The following MDGA2 variants were observed in gnomAD, a reference collection of about 807,000 sequenced individuals.
MDGA2 encodes the protein MAM domain-containing glycosylphosphatidylinositol anchor protein 2.
In MDGA2, 40 loss-of-function variants were observed where a neutral mutation model predicts 117.8. That is an observed-to-expected ratio of 0.34 (90% CI 0.26 to 0.44). The LOEUF is 0.44. Among genes scored for constraint, MDGA2 ranks in the 20% least tolerant of loss-of-function variants. MDGA2 has a pLI of 1.00. For synonymous variants in MDGA2, 452 were observed against 439.0 expected, an observed-to-expected ratio of 1.03 and a Z score of -0.37; for missense variants, 1,123 against 1,250.6, an observed-to-expected ratio of 0.90 and a Z score of 1.54.
At chr14:46,888,403 C>A (rs1298668548) in intron 10 of MDGA2, among the ~76,000 whole-genome samples, 1 of 151,880 alleles carries the variant, frequency 6.6e-6, no homozygotes, top group East Asian at 1.9e-4. Flanking sequence ...AAACCATTTT[C>A]TTCATGTCAA....
At chr14:47,636,488 TA>T (rs138404965) in intron 1 of MDGA2, among the ~76,000 whole-genome samples, 7,053 of 152,222 alleles carry the variant, frequency 0.046, 156 homozygotes, top group Middle Eastern at 0.068. Flanking sequence ...CCAGCATTAA[TA>T]AATGCTTGAG....
intron 1 of MDGA2, among the ~76,000 whole-genome samples, chr14:47,368,715 T>C (rs1427693758): frequency 6.6e-6 from 1 of 152,158 alleles, no homozygotes; most frequent in Admixed American, 6.5e-5. Flanking sequence ...TTTATTCAGG[T>C]TTTACGTTGT....
chr14:47,332,627 G>A (rs1336425225), intron 1 of MDGA2, among the ~76,000 whole-genome samples: 1 of 151,830 alleles, frequency 6.6e-6, no homozygotes, highest in Non-Finnish European at 1.5e-5. Context: ...AATAATTCTA[G>A]TTTCATATTT....
intron 2 of MDGA2, among the ~76,000 whole-genome samples, chr14:47,220,232 A>G (rs1222882691): frequency 6.6e-6 from 1 of 152,222 alleles, no homozygotes; most frequent in Non-Finnish European, 1.5e-5. Context: ...ACTGATGAGA[A>G]AAGAAACCTC....
At chr14:46,928,002 A>T (rs1884396270) in intron 9 of MDGA2, among the ~76,000 whole-genome samples, 1 of 152,108 alleles carries the variant, frequency 6.6e-6, no homozygotes, top group Admixed American at 6.6e-5. Context: ...AATCACTGGG[A>T]TCTTTAAAGA....
At chr14:46,931,591 C>G (rs1000868429) in intron 9 of MDGA2, among the ~76,000 whole-genome samples, 1 of 144,724 alleles carries the variant, frequency 6.9e-6, no homozygotes, top group Non-Finnish European at 1.5e-5. Flanking sequence ...GGTGCCATCT[C>G]AACTCACTGC....
chr14:46,858,589 G>A (rs545016320), intron 14 of MDGA2, among the ~76,000 whole-genome samples: 1 of 151,460 alleles, frequency 6.6e-6, no homozygotes, highest in East Asian at 2.0e-4. Context: ...TACCACACCC[G>A]GCTAATTTTT....
At chr14:46,904,716 A>T (rs1336407565) in intron 10 of MDGA2, among the ~76,000 whole-genome samples, 1 of 152,232 alleles carries the variant, frequency 6.6e-6, no homozygotes, top group East Asian at 1.9e-4. Flanking sequence ...TCATAGCTAC[A>T]TGTTTACATT....
intron 9 of MDGA2, among the ~76,000 whole-genome samples, chr14:46,926,258 A>G (rs1420841352): frequency 6.6e-6 from 1 of 152,212 alleles, no homozygotes; most frequent in Non-Finnish European, 1.5e-5. Flanking sequence ...ATAATTGGAT[A>G]GGAACCAAAT....
At chr14:47,173,836 T>A (rs1371089062) in intron 3 of MDGA2, among the ~76,000 whole-genome samples, 2 of 152,154 alleles carry the variant, frequency 1.3e-5, no homozygotes, top group African/African-American at 2.4e-5. Flanking sequence ...AATGCTCCAA[T>A]TAAAAGACAC....
intron 11 of MDGA2, among the ~76,000 whole-genome samples, chr14:46,880,784 A>G (rs1263236961): frequency 1.4e-5 from 2 of 146,160 alleles, no homozygotes; most frequent in East Asian, 2.0e-4. Context: ...CCTGGGCAAC[A>G]AAAGCAAAAT....
chr14:47,105,139 G>C (rs1880577011), intron 5 of MDGA2, among the ~76,000 whole-genome samples: 2 of 152,130 alleles, frequency 1.3e-5, no homozygotes, highest in Admixed American at 6.5e-5. Context: ...TTAGCGGCAA[G>C]TCCCGCTTTC....
chr14:47,580,190 T>C (rs1368742045), intron 1 of MDGA2, among the ~76,000 whole-genome samples: 1 of 152,038 alleles, frequency 6.6e-6, no homozygotes, highest in Non-Finnish European at 1.5e-5. Context: ...GGGTAATTTA[T>C]ACACAACAGA....
At chr14:47,126,486 CA>C (rs1881910013) in intron 5 of MDGA2, among the ~76,000 whole-genome samples, 1 of 151,998 alleles carries the variant, frequency 6.6e-6, no homozygotes, top group Middle Eastern at 3.2e-3. Context: ...TGGGAGTCAA[CA>C]AATTAATTAA....
chr14:47,052,093 T>C (rs929081622), intron 7 of MDGA2, among the ~76,000 whole-genome samples: 1 of 151,888 alleles, frequency 6.6e-6, no homozygotes, highest in Non-Finnish European at 1.5e-5. Flanking sequence ...TAATACATCA[T>C]TACTCACTGT....
At chr14:47,248,359 T>C (rs1026547945) in intron 2 of MDGA2, among the ~76,000 whole-genome samples, 2 of 151,670 alleles carry the variant, frequency 1.3e-5, no homozygotes, top group East Asian at 1.9e-4. Context: ...CCACATCTTA[T>C]ATAAGCCTCA....
chr14:47,591,993 C>T (rs1212516056), intron 1 of MDGA2, among the ~76,000 whole-genome samples: 2 of 151,284 alleles, frequency 1.3e-5, no homozygotes, highest in South Asian at 2.1e-4. Context: ...GAAGTGTGCC[C>T]ATAATCCTAG....
intron 14 of MDGA2, among the ~76,000 whole-genome samples, chr14:46,872,398 T>C (rs924762136): frequency 1.3e-5 from 2 of 151,932 alleles, no homozygotes; most frequent in Non-Finnish European, 2.9e-5. Flanking sequence ...CATACCTCTT[T>C]TGCATACCAG....
intron 1 of MDGA2, among the ~76,000 whole-genome samples, chr14:47,622,809 G>A (rs944292): frequency 1 from 151,587 of 152,318 alleles, 75,435 homozygotes; most frequent in East Asian, 1. Context: ...TCATAGTCAT[G>A]GGGAAGTAGA....
Sources: allele counts gnomAD v4.1 joint callset (sites outside exome capture counted in the v4.1 genomes callset), GRCh38; gene constraint gnomAD v4.1.1; transcripts MANE v1.5; gene names NCBI Gene and HGNC (gene_info 2026-07-23, HGNC 2026-07-21).